ZFAND3: variants seen among roughly 807,000 people sequenced by gnomAD.
ZFAND3 encodes the protein AN1-type zinc finger protein 3.
Under a neutral mutation model 29.6 loss-of-function variants are expected in ZFAND3, and 10 were observed. The ratio of observed to expected loss-of-function variants is 0.34; its 90% CI spans 0.21 to 0.57. The LOEUF (loss-of-function observed/expected upper bound fraction) is 0.57. Ranked by LOEUF, ZFAND3 falls within the 20% of genes least tolerant of loss-of-function variation. The probability of loss-of-function intolerance (pLI) is 0.86; values close to 1 mark genes in which losing one functional copy is unlikely to be tolerated. For synonymous variants in ZFAND3, 128 were observed against 112.6 expected (o/e 1.14, Z -0.87); for missense variants, 230 against 304.5 (o/e 0.76, Z 1.82).
At chr6:38,021,937 A>G (rs1408171985) in intron 2 of ZFAND3, among the ~76,000 whole-genome samples, 1 of 152,234 alleles carries the variant, frequency 6.6e-6, no homozygotes, top group Non-Finnish European at 1.5e-5. Flanking sequence ...ATCAATACTT[A>G]AATATAGGTT....
chr6:38,108,182 CTG>C (rs1417456911), intron 4 of ZFAND3, among the ~76,000 whole-genome samples: 1 of 151,994 alleles, frequency 6.6e-6, no homozygotes, highest in African/African-American at 2.4e-5. Context: ...TATTAGATAT[CTG>C]TGTATTCCAG....
chr6:37,864,800 ATATT>A (rs982486634), intron 1 of ZFAND3, among the ~76,000 whole-genome samples: 2 of 151,930 alleles, frequency 1.3e-5, no homozygotes, highest in South Asian at 2.1e-4. Flanking sequence ...CTCTCACTCT[ATATT>A]TATTCTTTGG....
Position 37,904,798 on chromosome 6 carries a change from G to A in ZFAND3, c.72-25161G>A, listed in dbSNP as rs754147317. ...TCTTATTCTTGGCTATATTCACAGC[G>A]CCTAGAACAGTGCCTGGCACATAAT... is the stretch of plus-strand genomic sequence containing the variant. On this transcript the variant is annotated intron_variant, in intron 1 of 5. Coordinates refer to ENST00000287218, the MANE Select transcript of ZFAND3 (RefSeq NM_021943.3). Among the ~76,000 whole-genome samples, 6 of 152,218 alleles carry A rather than the reference G, an allele frequency of 3.9e-5. No individual in the cohort carries two copies. In the East Asian group the frequency reaches 7.7e-4, roughly 20 times the overall value.
rs1178407870 is a variant in ZFAND3 at position 37,819,910 on chromosome 6, C to T, written c.-36C>T. ...GGGGCCCGGGCCCAGCCGCCGCCAC[C>T]GCTGCCGCCGCCGAGCTCCGCCGCC... is the stretch of plus-strand genomic sequence containing the variant. On this transcript the variant is annotated 5_prime_UTR_variant, in exon 1 of 6. Coordinates refer to ENST00000287218, the MANE Select transcript of ZFAND3 (RefSeq NM_021943.3). The T allele has an allele frequency of 5.8e-6, 7 of 1,196,586 alleles. No homozygotes were observed. The highest frequency in any genetic ancestry group is 4.0e-5 in the South Asian group (1 of 25,106). 74.1% of individuals were successfully genotyped at this position (1,196,586 alleles called of 1,614,324 possible). A position where few individuals can be genotyped will look rare whatever the true frequency, so the allele number is the denominator to read the frequency against.
chr6:37,940,064 G>C (rs558809357), intron 2 of ZFAND3, among the ~76,000 whole-genome samples: 16 of 152,200 alleles, frequency 1.1e-4, no homozygotes, highest in African/African-American at 3.9e-4. Flanking sequence ...GGCAGTGTGG[G>C]GAGTTAATTG....
At chr6:37,874,630 C>T (rs185664154) in intron 1 of ZFAND3, among the ~76,000 whole-genome samples, 36 of 152,136 alleles carry the variant, frequency 2.4e-4, no homozygotes, top group Admixed American at 8.5e-4. Flanking sequence ...ACCCCATGTC[C>T]AAATAAGGTC....
At chr6:37,896,562 C>CTTTCTTTCT (rs1554153806) in intron 1 of ZFAND3, among the ~76,000 whole-genome samples, 1 of 135,338 alleles carries the variant, frequency 7.4e-6, no homozygotes, top group Admixed American at 7.5e-5. Flanking sequence ...TTCTTTCTTT[C>CTTTCTTTCT]TTTCTTTCTC....
intron 3 of ZFAND3, among the ~76,000 whole-genome samples, chr6:38,072,938 C>T (rs1034784011): frequency 6.6e-6 from 1 of 152,202 alleles, no homozygotes; most frequent in Non-Finnish European, 1.5e-5. Flanking sequence ...CCCTTCACTA[C>T]ACAATTAAAA....
chr6:38,121,826 T>C (rs1307764750), intron 5 of ZFAND3, among the ~76,000 whole-genome samples: 1 of 152,208 alleles, frequency 6.6e-6, no homozygotes, highest in Non-Finnish European at 1.5e-5. Context: ...ACTATGTAGT[T>C]ACTATTTTTC....
chr6:37,829,346 G>A (rs1014651010), intron 1 of ZFAND3, among the ~76,000 whole-genome samples: 1 of 152,058 alleles, frequency 6.6e-6, no homozygotes, highest in African/African-American at 2.4e-5. Context: ...GACCAGCCTG[G>A]ACAACATGGT....
chr6:38,091,430 A>G (rs1232426329), intron 4 of ZFAND3, among the ~76,000 whole-genome samples: 3 of 149,588 alleles, frequency 2.0e-5, no homozygotes, highest in African/African-American at 2.5e-5. Flanking sequence ...TTTAAAAAGC[A>G]TATCGGGAAT....
At chr6:37,914,557 T>G (rs1245824556) in intron 1 of ZFAND3, among the ~76,000 whole-genome samples, 1 of 152,186 alleles carries the variant, frequency 6.6e-6, no homozygotes, top group Non-Finnish European at 1.5e-5. Context: ...CAGGCTGGTC[T>G]TGAAATCCTG....
intron 1 of ZFAND3, among the ~76,000 whole-genome samples, chr6:37,868,852 C>G (rs1014355243): frequency 2.6e-5 from 4 of 152,156 alleles, no homozygotes; most frequent in African/African-American, 9.7e-5. Context: ...ATGCTTGCCT[C>G]AAAATCAGTT....
At chr6:38,144,202 TATATATATAATATATAATA>T (rs1766038989) in intron 5 of ZFAND3, among the ~76,000 whole-genome samples, 1 of 41,206 alleles carries the variant, frequency 2.4e-5, no homozygotes, top group Admixed American at 1.9e-4. Context: ...TATATATATA[TATATATATAATATATAATA>T]TATATATATA....
At chr6:37,910,588 A>G (rs1446330741) in intron 1 of ZFAND3, among the ~76,000 whole-genome samples, 2 of 152,152 alleles carry the variant, frequency 1.3e-5, no homozygotes, top group African/African-American at 4.8e-5. Context: ...CACACCTATC[A>G]TTTTTGGGGG....
intron 1 of ZFAND3, among the ~76,000 whole-genome samples, chr6:37,854,131 A>G (rs1159391763): frequency 6.6e-6 from 1 of 151,928 alleles, no homozygotes; most frequent in Non-Finnish European, 1.5e-5. Flanking sequence ...TTGTATTTTT[A>G]GTAGAGATGG....
At chr6:37,966,326 A>G (rs1762292612) in intron 2 of ZFAND3, among the ~76,000 whole-genome samples, 1 of 152,234 alleles carries the variant, frequency 6.6e-6, no homozygotes, top group Non-Finnish European at 1.5e-5. Context: ...TAAGCATTAC[A>G]GTACCAGATT....
At chr6:37,991,846 A>T (rs999353628) in intron 2 of ZFAND3, among the ~76,000 whole-genome samples, 1 of 152,100 alleles carries the variant, frequency 6.6e-6, no homozygotes, top group African/African-American at 2.4e-5. Flanking sequence ...TAGCTTTTAT[A>T]TTATAAGCTA....
chr6:38,154,260 C>T lies in ZFAND3; in HGVS notation c.*1871C>T, dbSNP rs1203716540. 1.0e-6 allele frequency: 1 copy of T among 985,158 alleles called. No homozygotes were observed. Among genetic ancestry groups the T allele is most frequent in the African/African-American group, 1.7e-5 (1 of 57,246 alleles). The allele number at this position is 985,158 out of a possible 1,614,324, so 61.0% of individuals were successfully genotyped here. On this transcript the variant is annotated 3_prime_UTR_variant, in exon 6 of 6. Coordinates refer to ENST00000287218, the MANE Select transcript of ZFAND3 (RefSeq NM_021943.3). Reference sequence around the variant, plus strand: ...GGCTGTGCGAGCCCTTCCCGGCCCTCCCCAGGGCCCCCCGCCCCCTCCTCT... The same window carrying T: ...GGCTGTGCGAGCCCTTCCCGGCCCTTCCCAGGGCCCCCCGCCCCCTCCTCT...
Sources: allele counts gnomAD v4.1 joint callset (sites outside exome capture counted in the v4.1 genomes callset), GRCh38; gene constraint gnomAD v4.1.1; transcripts MANE v1.5; gene names NCBI Gene and HGNC (gene_info 2026-07-23, HGNC 2026-07-21).